The following BRINP1 variants were observed in gnomAD, a reference collection of about 807,000 sequenced individuals.
BRINP1 encodes BMP/retinoic acid inducible neural specific 1.
A neutral mutation model predicts 72.9 loss-of-function variants in BRINP1; 17 were observed. That is an observed-to-expected ratio of 0.23 (90% CI 0.16 to 0.35). The LOEUF is 0.35. Among genes scored for constraint, BRINP1 ranks in the 10% least tolerant of loss-of-function variants. The probability of loss-of-function intolerance (pLI) is 1.00; values close to 1 mark genes in which losing one functional copy is unlikely to be tolerated. For synonymous variants in BRINP1, 418 were observed against 378.5 expected (o/e 1.10, Z -1.21); for missense variants, 850 against 1,001.6 (o/e 0.85, Z 2.04).
At chr9:119,344,218 A>T (rs1034338972) in intron 1 of BRINP1, among the ~76,000 whole-genome samples, 8 of 152,228 alleles carry the variant, frequency 5.3e-5, no homozygotes, top group Non-Finnish European at 8.8e-5. Flanking sequence ...CTACTTCAGA[A>T]GGCAGCAGGG....
chr9:119,232,794 T>G (rs995154876), intron 5 of BRINP1, among the ~76,000 whole-genome samples: 4 of 152,092 alleles, frequency 2.6e-5, no homozygotes, highest in Non-Finnish European at 4.4e-5. Context: ...GGCACAGCTT[T>G]GCTCCCTGTA....
At chr9:119,218,709 A>C (rs1456659124) in intron 5 of BRINP1, among the ~76,000 whole-genome samples, 3 of 147,350 alleles carry the variant, frequency 2.0e-5, no homozygotes, top group Non-Finnish European at 4.5e-5. Context: ...CACAGTTGAG[A>C]CCTCTGGCAA....
At chr9:119,228,917 G>A (rs764414944) in intron 5 of BRINP1, among the ~76,000 whole-genome samples, 2 of 152,202 alleles carry the variant, frequency 1.3e-5, no homozygotes, top group South Asian at 2.1e-4. Context: ...ATACAAAGGG[G>A]TGAACTGATG....
chr9:119,367,183 A>G (rs1279280551), intron 1 of BRINP1, among the ~76,000 whole-genome samples: 6 of 123,934 alleles, frequency 4.8e-5, no homozygotes, highest in Non-Finnish European at 1.0e-4. Context: ...TCTCCCCAGA[A>G]TATGAACACA....
In BRINP1 at chr9:119,305,071, G is replaced by A. The variant is rs183088934; in HGVS notation, c.218+8067C>T. Among the ~76,000 whole-genome samples, 65 of 152,230 alleles carry A rather than the reference G, an allele frequency of 4.3e-4. No individual in the cohort carries two copies. The South Asian group carries it at 0.013, about 30-fold the overall frequency. ...ACAATTTTCCTCTGAACCAAAACAC[G>A]ACCATGTTAGTGCATCAGCATTTTA... On this transcript the variant is annotated intron_variant, in intron 2 of 7. Coordinates refer to ENST00000265922, the MANE Select transcript of BRINP1 (RefSeq NM_014618.3).
intron 1 of BRINP1, among the ~76,000 whole-genome samples, chr9:119,352,103 C>T (rs529526252): frequency 6.6e-4 from 101 of 151,940 alleles, no homozygotes; most frequent in African/African-American, 2.4e-3. Flanking sequence ...CAGCCTGCTT[C>T]AAGTTTTCTA....
intron 2 of BRINP1, among the ~76,000 whole-genome samples, chr9:119,294,618 CACTT>C (rs1830855093): frequency 6.6e-6 from 1 of 152,058 alleles, no homozygotes. Context: ...GTAATCCCAG[CACTT>C]TGGAAGGCTG....
chr9:119,288,351 T>A (rs1215857347), intron 2 of BRINP1, among the ~76,000 whole-genome samples: 2 of 83,480 alleles, frequency 2.4e-5, no homozygotes, highest in Non-Finnish European at 3.5e-5. Context: ...TCTTTTTAAA[T>A]TTTTTTTAAC....
chr9:119,189,001 G>A (rs1829655484), intron 7 of BRINP1, among the ~76,000 whole-genome samples: 1 of 152,056 alleles, frequency 6.6e-6, no homozygotes, highest in South Asian at 2.1e-4. Flanking sequence ...AGTTCTTAAG[G>A]AATGCACAGT....
intron 1 of BRINP1, among the ~76,000 whole-genome samples, chr9:119,356,296 C>G (rs1831564722): frequency 6.6e-6 from 1 of 152,186 alleles, no homozygotes; most frequent in African/African-American, 2.4e-5. Context: ...AATACCAAGT[C>G]CTCTCTCACC....
At chr9:119,185,533 A>G (rs1176241527) in intron 7 of BRINP1, among the ~76,000 whole-genome samples, 3 of 152,218 alleles carry the variant, frequency 2.0e-5, no homozygotes, top group Admixed American at 6.5e-5. Flanking sequence ...GCCCAACACA[A>G]AAAAGGACCA....
intron 2 of BRINP1, among the ~76,000 whole-genome samples, chr9:119,289,265 C>A (rs1830799404): frequency 6.6e-6 from 1 of 152,164 alleles, no homozygotes; most frequent in Non-Finnish European, 1.5e-5. Flanking sequence ...TGTGGCCTTG[C>A]CAACATAAAG....
At chr9:119,349,723 T>G (rs1564254649) in intron 1 of BRINP1, among the ~76,000 whole-genome samples, 1 of 152,156 alleles carries the variant, frequency 6.6e-6, no homozygotes, top group East Asian at 1.9e-4. Context: ...GCTTAAGATT[T>G]ATGTGGGTTC....
intron 2 of BRINP1, among the ~76,000 whole-genome samples, chr9:119,255,784 T>A (rs780023029): frequency 1.1e-4 from 16 of 151,584 alleles, no homozygotes; most frequent in Admixed American, 2.0e-4. Flanking sequence ...TGAAACCCCA[T>A]CTCTACTACA....
In BRINP1 at chr9:119,290,665, C is replaced by A. The variant is rs564426884; in HGVS notation, c.218+22473G>T. Among the ~76,000 whole-genome samples the A allele has an allele frequency of 2.6e-5, 4 of 152,118 alleles. No homozygotes were observed. In the East Asian group the frequency reaches 5.8e-4, roughly 22 times the overall value. ...TAGGTGATAATGGAAGAGGAGGGAGCAAGTGTGATTACCCAGGGAAAATGG... is the reference window on the plus strand; with the variant it reads ...TAGGTGATAATGGAAGAGGAGGGAGAAAGTGTGATTACCCAGGGAAAATGG... On this transcript the variant is annotated intron_variant, in intron 2 of 7. Coordinates refer to ENST00000265922, the MANE Select transcript of BRINP1 (RefSeq NM_014618.3).
At chr9:119,363,249 C>T (rs1831654143) in intron 1 of BRINP1, among the ~76,000 whole-genome samples, 1 of 152,028 alleles carries the variant, frequency 6.6e-6, no homozygotes, top group African/African-American at 2.4e-5. Flanking sequence ...ACTACAGGTG[C>T]CCAGCTGTTT....
intron 2 of BRINP1, among the ~76,000 whole-genome samples, chr9:119,277,856 CA>C (rs1399271970): frequency 3.9e-5 from 6 of 152,078 alleles, no homozygotes; most frequent in Non-Finnish European, 8.8e-5. Flanking sequence ...TCCTATCTTC[CA>C]CTCTATTCTT....
chr9:119,275,343 T>G (rs1040012271), intron 2 of BRINP1, among the ~76,000 whole-genome samples: 9 of 152,146 alleles, frequency 5.9e-5, no homozygotes, highest in African/African-American at 1.7e-4. Flanking sequence ...TATTCCCAAC[T>G]CCCACAAGAC....
intron 2 of BRINP1, among the ~76,000 whole-genome samples, chr9:119,264,059 T>C (rs1474363576): frequency 6.6e-6 from 1 of 152,206 alleles, no homozygotes; most frequent in Non-Finnish European, 1.5e-5. Flanking sequence ...GCAAGTTACC[T>C]TAGGACTCTG....
Sources: gnomAD v4.1 joint callset for allele counts (sites outside exome capture counted in the v4.1 genomes callset) on GRCh38, gnomAD v4.1.1 for gene constraint, MANE v1.5 for transcripts, NCBI Gene and HGNC (gene_info 2026-07-23, HGNC 2026-07-21) for gene names.